KYAT1: variants seen among roughly 807,000 people sequenced by gnomAD.
KYAT1 encodes kynurenine--oxoglutarate transaminase 1.
KYAT1 carries 47 observed loss-of-function variants against 52.4 expected under a neutral mutation model. The observed-to-expected ratio is 0.90, with a 90% CI of 0.71 to 1.14. The LOEUF is 1.14. KYAT1 is among the 50% of genes most tolerant of loss of function. The probability of loss-of-function intolerance (pLI) is 0.00; values close to 1 mark genes in which losing one functional copy is unlikely to be tolerated. For missense variants in KYAT1, 480 were observed against 557.9 expected, an observed-to-expected ratio of 0.86 and a Z score of 1.41; for synonymous variants, 212 against 209.6, an observed-to-expected ratio of 1.01 and a Z score of -0.10.
At chr9:128,841,184 A>G (rs541863026) in intron 3 of KYAT1, among the ~76,000 whole-genome samples, 154 of 152,076 alleles carry the variant, frequency 1.0e-3, no homozygotes, top group African/African-American at 3.3e-3. Context: ...AACCGGACTA[A>G]CATGGTGAAA....
intron 1 of KYAT1, among the ~76,000 whole-genome samples, chr9:128,875,969 C>A (rs1837967115): frequency 6.6e-6 from 1 of 152,186 alleles, no homozygotes; most frequent in Non-Finnish European, 1.5e-5. Flanking sequence ...GTCAGCTATG[C>A]CACTGTCCCC....
At chr9:128,835,892 G>C in intron 8 of KYAT1, 24 bp from the exon 9 acceptor site, 1 of 1,612,564 alleles carries the variant, frequency 6.2e-7, no homozygotes, top group South Asian at 1.1e-5. Flanking sequence ...GCAGGTAGGG[G>C]GAGAGGTCCT....
At chr9:128,864,723 C>G (rs999622538) in intron 1 of KYAT1, among the ~76,000 whole-genome samples, 15 of 152,142 alleles carry the variant, frequency 9.9e-5, no homozygotes, top group Admixed American at 9.2e-4. Context: ...ATTCTTGTGC[C>G]TCAGCCTCCC....
chr9:128,877,322 G>A (rs1838185437), intron 1 of KYAT1, among the ~76,000 whole-genome samples: 1 of 152,080 alleles, frequency 6.6e-6, no homozygotes, highest in Admixed American at 6.6e-5. Context: ...TGAAGCTTCT[G>A]TGTCCACCCA....
chr9:128,849,046 C>A (rs940645422), intron 1 of KYAT1, among the ~76,000 whole-genome samples: 2 of 150,714 alleles, frequency 1.3e-5, no homozygotes, highest in Non-Finnish European at 3.0e-5. Context: ...ACCTGGGAGG[C>A]AAAGGTTGCA....
At chr9:128,846,870 T>C in intron 1 of KYAT1, 5 of 1,531,522 alleles carry the variant, frequency 3.3e-6, no homozygotes, top group Non-Finnish European at 4.4e-6. Context: ...CTGTGGTCAA[T>C]AGTGAACCCT....
At chr9:128,842,175 AGAGTG>A in intron 3 of KYAT1, 1 of 267,342 alleles carries the variant, frequency 3.7e-6, no homozygotes, top group South Asian at 3.3e-5. Context: ...CCTGGATAAC[AGAGTG>A]AGACCTTGTC....
At chr9:128,872,904 C>A (rs1234044800) in intron 1 of KYAT1, among the ~76,000 whole-genome samples, 1 of 151,672 alleles carries the variant, frequency 6.6e-6, no homozygotes, top group Non-Finnish European at 1.5e-5. Context: ...GAAACCCCGT[C>A]CCTACTGAAA....
intron 3 of KYAT1, among the ~76,000 whole-genome samples, chr9:128,839,027 A>T (rs1831658682): frequency 6.6e-6 from 1 of 151,774 alleles, no homozygotes; most frequent in East Asian, 1.9e-4. Context: ...GCAGTGGCAC[A>T]ATCGCGGCTC....
chr9:128,840,245 T>C (rs1831901486), intron 3 of KYAT1, among the ~76,000 whole-genome samples: 1 of 150,632 alleles, frequency 6.6e-6, no homozygotes, highest in Non-Finnish European at 1.5e-5. Flanking sequence ...GAGACCAGCC[T>C]GGGTAACATA....
chr9:128,880,424 C>G (rs529773201), intron 1 of KYAT1, among the ~76,000 whole-genome samples: 4 of 151,872 alleles, frequency 2.6e-5, no homozygotes, highest in African/African-American at 9.7e-5. Flanking sequence ...CAAATTCCAG[C>G]TTCTCCACTT....
At chr9:128,844,084 C>G (rs1038139760) in intron 2 of KYAT1, among the ~76,000 whole-genome samples, 3 of 152,188 alleles carry the variant, frequency 2.0e-5, no homozygotes, top group Non-Finnish European at 4.4e-5. Context: ...CACATCATCT[C>G]TGGACCCATA....
intron 1 of KYAT1, among the ~76,000 whole-genome samples, chr9:128,875,137 T>C (rs1837790672): frequency 1.3e-5 from 2 of 152,196 alleles, no homozygotes; most frequent in Admixed American, 1.3e-4. Context: ...TCAAGAAGTT[T>C]CTCTGGATGC....
At chr9:128,852,915 C>A (rs973368858) in intron 1 of KYAT1, among the ~76,000 whole-genome samples, 5 of 152,278 alleles carry the variant, frequency 3.3e-5, no homozygotes, top group African/African-American at 9.6e-5. Flanking sequence ...TCGGTCAGCA[C>A]AAGTAAATAG....
intron 2 of KYAT1, among the ~76,000 whole-genome samples, chr9:128,845,012 G>A (rs946332174): frequency 6.6e-6 from 1 of 152,122 alleles, no homozygotes; most frequent in African/African-American, 2.4e-5. Flanking sequence ...AGTCATCCCT[G>A]GAAAGGCCTT....
intron 3 of KYAT1, chr9:128,841,923 A>C (rs948230839): frequency 8.0e-5 from 12 of 150,458 alleles, no homozygotes; most frequent in African/African-American, 3.0e-4. Context: ...GAAATGGCAT[A>C]TCATGTGAGC....
chr9:128,861,244 T>G (rs1418505837), intron 1 of KYAT1, among the ~76,000 whole-genome samples: 2 of 152,204 alleles, frequency 1.3e-5, no homozygotes, highest in Non-Finnish European at 2.9e-5. Context: ...AATTCCCACG[T>G]GTCCTGGGAG....
chr9:128,868,873 G>A (rs1836810834), intron 1 of KYAT1, among the ~76,000 whole-genome samples: 1 of 151,204 alleles, frequency 6.6e-6, no homozygotes, highest in Non-Finnish European at 1.5e-5. Flanking sequence ...GCCCAGCTAA[G>A]TTTTGTATTT....
At chr9:128,845,227 A>G in intron 2 of KYAT1, 126 bp downstream of exon 2, 1 of 710,610 alleles carries the variant, frequency 1.4e-6, no homozygotes, top group Non-Finnish European at 2.4e-6. Context: ...CTCCTGAGCT[A>G]TGGCTGGAAT....
Sources: gnomAD v4.1 joint callset for allele counts (sites outside exome capture counted in the v4.1 genomes callset) on GRCh38, gnomAD v4.1.1 for gene constraint, MANE v1.5 for transcripts, NCBI Gene and HGNC (gene_info 2026-07-23, HGNC 2026-07-21) for gene names.